DNAH9: variants seen among roughly 807,000 people sequenced by gnomAD.
DNAH9 encodes the protein DNAH9 variant protein.
DNAH9 carries 345 observed loss-of-function variants against 471.6 expected under a neutral mutation model. The ratio of observed to expected loss-of-function variants is 0.73; its 90% confidence interval spans 0.67 to 0.80. The LOEUF (loss-of-function observed/expected upper bound fraction) is 0.80. DNAH9 is among the 30% of genes least tolerant of loss of function. The pLI is 0.00. For missense variants in DNAH9, 5,407 were observed against 5,609.2 expected, an observed-to-expected ratio of 0.96 and a Z score of 1.15; for synonymous variants, 2,093 against 2,123.6, an observed-to-expected ratio of 0.99 and a Z score of 0.40.
chr17:11,940,575 G>A (rs1237077516), intron 66 of DNAH9, among the ~76,000 whole-genome samples: 2 of 152,166 alleles, frequency 1.3e-5, no homozygotes, highest in African/African-American at 4.8e-5. Context: ...AGACCCATTC[G>A]TGACAGAGTG....
chr17:11,805,705 C>T (rs1969649553), intron 43 of DNAH9, among the ~76,000 whole-genome samples: 1 of 151,832 alleles, frequency 6.6e-6, no homozygotes, highest in South Asian at 2.1e-4. Context: ...CAAGCACTCA[C>T]CACCATGCCT....
intron 50 of DNAH9, among the ~76,000 whole-genome samples, chr17:11,862,690 T>A (rs1359825397): frequency 1.3e-5 from 2 of 152,224 alleles, no homozygotes. Flanking sequence ...TCCTCTTTAA[T>A]TTCATTGAGC....
chr17:11,922,125 A>G (rs1567552738), intron 61 of DNAH9, among the ~76,000 whole-genome samples: 1 of 152,216 alleles, frequency 6.6e-6, no homozygotes, highest in Non-Finnish European at 1.5e-5. Flanking sequence ...TAAGTCTCCA[A>G]TATCTATTTC....
Position 11,902,745 on chromosome 17 carries a change from T to C in DNAH9, c.11433T>C (p.Ser3811=). ...TACTTTCATCAATGGAAGAATTCTC[T>C]AATCTGGATCGGGACATAGAGGGAT... The part of the protein sequence containing the change: ...VKVLSSMEEF[S]NLDRDIEGSA... The change falls in exon 60 of 69, where the codon TCT becomes TCC. Residue 3811 remains serine, a synonymous_variant. Transcript: ENST00000262442. 6.2e-7 allele frequency: 1 copy of C among 1,611,830 alleles called. No individual in the cohort carries two copies. Among genetic ancestry groups the C allele is most frequent in the African/African-American group, 1.3e-5 (1 of 74,866 alleles).
rs1263066929 is a variant in DNAH9 at position 11,623,472 on chromosome 17, T to G, written c.1350+3691T>G. Among the ~76,000 whole-genome samples, 1 of 152,224 alleles carries G rather than the reference T, an allele frequency of 6.6e-6. No homozygotes were observed. Among genetic ancestry groups the G allele is most frequent in the African/African-American group, 2.4e-5 (1 of 41,544 alleles). On this transcript the variant is annotated intron_variant, in intron 6 of 68. Coordinates refer to ENST00000262442, the MANE Select transcript of DNAH9 (RefSeq NM_001372.4). The surrounding 1 kb of genome is among the most constrained non-coding windows in gnomAD (Gnocchi z 4.1). ...CCTTTTCCTCATATTTCCTCCCCTCTTTTATTTTTAATCTCCCAAATGTCT... is the reference window on the plus strand; with the variant it reads ...CCTTTTCCTCATATTTCCTCCCCTCGTTTATTTTTAATCTCCCAAATGTCT...
chr17:11,678,438 T>C (rs1371232052), intron 17 of DNAH9, among the ~76,000 whole-genome samples: 1 of 152,274 alleles, frequency 6.6e-6, no homozygotes, highest in Non-Finnish European at 1.5e-5. Flanking sequence ...TCTTTCTTTG[T>C]CTGAAATGTA....
intron 67 of DNAH9, among the ~76,000 whole-genome samples, chr17:11,956,251 AGAG>A (rs1567575173): frequency 6.6e-6 from 1 of 152,240 alleles, no homozygotes; most frequent in African/African-American, 2.4e-5. Flanking sequence ...CCATGGATGA[AGAG>A]GAGTATTATA....
chr17:11,937,252 G>T lies in DNAH9; in HGVS notation c.12490-100G>T. ...ATGGTGAGCAGTGTCCCCTGGAGGA[G>T]GGATACTAGCCCATGGACTCCCTGC... On this transcript the variant is annotated intron_variant, in intron 65 of 68. Coordinates refer to ENST00000262442, the MANE Select transcript of DNAH9 (RefSeq NM_001372.4). This position sits in a 1 kb window ranked among gnomAD's most constrained non-coding sequence, Gnocchi z 4.1. 7.1e-7 allele frequency: 1 copy of T among 1,409,318 alleles called. No homozygotes were observed. The highest frequency in any genetic ancestry group is 2.3e-5 in the East Asian group (1 of 42,836). 87.3% of individuals were successfully genotyped at this position (1,409,318 alleles called of 1,614,324 possible).
chr17:11,636,575 A>G (rs2073170722), intron 8 of DNAH9, 59 bp from the exon 9 acceptor site: 2 of 1,399,640 alleles, frequency 1.4e-6, no homozygotes, highest in Non-Finnish European at 2.0e-6. Flanking sequence ...GGATTTGTAT[A>G]ACCATGGAAA....
At chr17:11,918,656 G>A (rs1974034349) in intron 61 of DNAH9, among the ~76,000 whole-genome samples, 1 of 152,186 alleles carries the variant, frequency 6.6e-6, no homozygotes, top group African/African-American at 2.4e-5. Context: ...TGCATGTGCT[G>A]GGGAGCAGAA....
chr17:11,821,531 G>A (rs373473032), intron 45 of DNAH9, among the ~76,000 whole-genome samples: 1 of 151,854 alleles, frequency 6.6e-6, no homozygotes, highest in Non-Finnish European at 1.5e-5. Flanking sequence ...TTTGCCGGGG[G>A]TCTTTTAGGT....
chr17:11,838,372 G>C (rs576340834), intron 49 of DNAH9, among the ~76,000 whole-genome samples: 1 of 152,150 alleles, frequency 6.6e-6, no homozygotes, highest in Non-Finnish European at 1.5e-5. Context: ...TAAACTATGT[G>C]CATGTGTTAC....
intron 59 of DNAH9, among the ~76,000 whole-genome samples, chr17:11,898,266 C>T (rs1000049093): frequency 6.6e-6 from 1 of 151,984 alleles, no homozygotes; most frequent in South Asian, 2.1e-4. Context: ...CTGGGATTAC[C>T]GGCGTGCGCC....
At position 11,875,054 on chromosome 17, in the gene DNAH9, G is replaced by A. The variant is rs775744600; in HGVS notation, c.10348G>A (p.Val3450Met). 46 of 1,613,984 alleles carry A rather than the reference G, an allele frequency of 2.9e-5. No individual in the cohort carries two copies. The highest frequency in any genetic ancestry group is 1.0e-4 in the Admixed American group (6 of 59,986). Residue 3450 changes from valine (V) to methionine (M), a missense_variant, in exon 53 of 69, where the codon GTG (valine) becomes ATG (methionine). Transcript: ENST00000262442. ...GGGCCTCCCAGCCGACCGCATGTCC[G>A]TGGAGAATGCCACCATTCTCATCAA... is the stretch of plus-strand genomic sequence containing the variant. ...NEGLPADRMS[V>M]ENATILINCE...
chr17:11,882,480 A>G (rs1972761274), intron 55 of DNAH9, among the ~76,000 whole-genome samples: 1 of 152,134 alleles, frequency 6.6e-6, no homozygotes, highest in Non-Finnish European at 1.5e-5. Context: ...ATTCCAGTGC[A>G]TGAGAGATTG....
chr17:11,617,709 T>C (rs1312842036), intron 5 of DNAH9, 87 bp downstream of exon 5: 2 of 916,806 alleles, frequency 2.2e-6, no homozygotes, highest in Admixed American at 2.0e-5. Context: ...TGTCCTTTTT[T>C]CTGGGCGAGG....
At chr17:11,819,860 G>T (rs1210009668) in intron 45 of DNAH9, among the ~76,000 whole-genome samples, 1 of 152,136 alleles carries the variant, frequency 6.6e-6, no homozygotes, top group Admixed American at 6.5e-5. Context: ...TATTCTCTTA[G>T]ATTTTCTATG....
chr17:11,692,827 A>G (rs1384307474), intron 20 of DNAH9, among the ~76,000 whole-genome samples: 9 of 152,084 alleles, frequency 5.9e-5, no homozygotes, highest in Non-Finnish European at 1.2e-4. Flanking sequence ...ATGATGCCCC[A>G]TTTTCAACTG....
intron 67 of DNAH9, among the ~76,000 whole-genome samples, chr17:11,960,049 A>G (rs1268575870): frequency 1.3e-5 from 2 of 149,046 alleles, no homozygotes; most frequent in Admixed American, 6.6e-5. Flanking sequence ...AGAAGTTACC[A>G]GTTTATTTCT....
Sources: gnomAD v4.1 joint callset for allele counts (sites outside exome capture counted in the v4.1 genomes callset) on GRCh38, gnomAD v4.1.1 for gene constraint, Gnocchi (gnomAD v3.1) non-coding constraint, MANE v1.5 for transcripts, NCBI Gene and HGNC (gene_info 2026-07-23, HGNC 2026-07-21) for gene names.